FGG: variants seen among roughly 807,000 people sequenced by gnomAD.
The protein encoded by FGG is fibrinogen, gamma polypeptide.
Under a neutral mutation model 51.7 loss-of-function variants are expected in FGG, and 20 were observed. The observed-to-expected ratio is 0.39, with a 90% CI of 0.27 to 0.56. The LOEUF is 0.56. Ranked by LOEUF, FGG falls within the 20% of genes least tolerant of loss-of-function variation. The pLI is 0.64. For synonymous variants in FGG, 184 were observed against 184.7 expected, an observed-to-expected ratio of 1.00 and a Z score of 0.03; for missense variants, 460 against 534.2, an observed-to-expected ratio of 0.86 and a Z score of 1.37.
intron 6 of FGG, among the ~76,000 whole-genome samples, chr4:154,609,365 A>C (rs1240383749): frequency 6.6e-6 from 1 of 152,154 alleles, no homozygotes; most frequent in Non-Finnish European, 1.5e-5. Flanking sequence ...TACAATATAG[A>C]GTCAAGTCAC....
chr4:154,610,195 T>A lies in FGG; in HGVS notation c.404A>T (p.Tyr135Phe). 2 of 1,566,170 alleles carry A rather than the reference T, an allele frequency of 1.3e-6. No individual in the cohort carries two copies. Among genetic ancestry groups the A allele is most frequent in the Non-Finnish European group, 1.8e-6 (2 of 1,136,718 alleles). The change falls in exon 5 of 9, where the codon TAT (tyrosine) becomes TTT (phenylalanine). Residue 135 changes from tyrosine (Y) to phenylalanine (F), a missense_variant and splice_region_variant. Tyr to Phe is a conservative substitution (Grantham distance 22). Coordinates refer to ENST00000336098, the MANE Select transcript of FGG (RefSeq NM_021870.3). ...SILTHDSSIR[Y>F]LQEIYNSNNQ... ...ATTTGAATTATATATTTCCTGCAAA[T>A]ATCTACAAACAGAAACATAAGATAA...
At chr4:154,610,232 A>T in intron 4 of FGG, 35 bp from the exon 5 acceptor site, 1 of 1,493,666 alleles carries the variant, frequency 6.7e-7, no homozygotes, top group African/African-American at 1.4e-5. Flanking sequence ...AAAAATAAGA[A>T]GACAAAAATA....
chr4:154,609,069 C>A (rs1401737553), intron 6 of FGG, among the ~76,000 whole-genome samples: 2 of 152,134 alleles, frequency 1.3e-5, no homozygotes, highest in African/African-American at 4.8e-5. Flanking sequence ...ACAGTTATAA[C>A]AGTGGTGGGA....
Position 154,612,526 on chromosome 4 carries a change from A to G in FGG, c.78+6T>C. 1 of 1,614,018 alleles carries G rather than the reference A, an allele frequency of 6.2e-7. No individual in the cohort carries two copies. The highest frequency in any genetic ancestry group is 8.5e-7 in the Non-Finnish European group (1 of 1,179,878). Reference sequence around the variant, plus strand: ...TTAAACAACGTTTTGTGAAGAGCACACTTACTGCTACACATGTTGAAGAGA... The same window carrying G: ...TTAAACAACGTTTTGTGAAGAGCACGCTTACTGCTACACATGTTGAAGAGA... On this transcript the variant is annotated splice_donor_region_variant and intron_variant, in intron 1 of 8. Coordinates refer to ENST00000336098, the MANE Select transcript of FGG (RefSeq NM_021870.3).
At chr4:154,608,343 T>C in intron 7 of FGG, 123 bp downstream of exon 7, 1 of 939,336 alleles carries the variant, frequency 1.1e-6, no homozygotes, top group South Asian at 1.4e-5. Flanking sequence ...CTGGAGAAAA[T>C]GGTGGCTGGA....
intron 8 of FGG, among the ~76,000 whole-genome samples, chr4:154,605,990 C>T (rs1315154010): frequency 6.6e-6 from 1 of 152,078 alleles, no homozygotes; most frequent in African/African-American, 2.4e-5. Flanking sequence ...TGTCCTTCTC[C>T]AACGGAGAGT....
chr4:154,604,561 A>AAT lies in FGG; in HGVS notation c.*272_*273insAT, dbSNP rs1731061583. The AAT allele has an allele frequency of 8.7e-7, 1 of 1,151,470 alleles. No individual in the cohort carries two copies. Among genetic ancestry groups the AAT allele is most frequent in the Non-Finnish European group, 1.2e-6 (1 of 868,670 alleles). The allele number at this position is 1,151,470 out of a possible 1,614,324, so 71.3% of individuals were successfully genotyped here. ...AATTTACGAAGACAAAATAAATGACAAGTGGTCATAAAAATGCAAATAAAG... is the reference window on the plus strand; with the variant it reads ...AATTTACGAAGACAAAATAAATGACAATAGTGGTCATAAAAATGCAAATAAAG... On this transcript the variant is annotated 3_prime_UTR_variant, in exon 9 of 9. Transcript: ENST00000336098.
At chr4:154,611,141 A>G (rs1260834410) in intron 4 of FGG, 10 of 152,038 alleles carry the variant, frequency 6.6e-5, no homozygotes, top group Non-Finnish European at 1.5e-4. Flanking sequence ...ATTTATCTCA[A>G]TTTCTCAAGC....
Position 154,612,324 on chromosome 4 carries a change from G to A in FGG, c.123+67C>T, listed in dbSNP as rs1482213668. ...CAAGTGCCAGATGATATTTATGAGGGAATTATTTCTATTCCTCTGCCCCTC... is the reference window on the plus strand; with the variant it reads ...CAAGTGCCAGATGATATTTATGAGGAAATTATTTCTATTCCTCTGCCCCTC... On this transcript the variant is annotated intron_variant, in intron 2 of 8. Coordinates refer to ENST00000336098, the MANE Select transcript of FGG (RefSeq NM_021870.3). 2.5e-6 allele frequency: 4 copies of A among 1,586,560 alleles called. No individual in the cohort carries two copies. In the East Asian group the frequency reaches 8.9e-5, roughly 35 times the overall value.
At position 154,608,491 on chromosome 4, in the gene FGG, G is replaced by T. The variant is rs754623069; in HGVS notation, c.826C>A (p.Leu276Met). 39 of 1,613,452 alleles carry T rather than the reference G, an allele frequency of 2.4e-5. No individual in the cohort carries two copies. Among genetic ancestry groups the T allele is most frequent in the Non-Finnish European group, 2.2e-5 (26 of 1,179,760 alleles). The change falls in exon 7 of 9, where the codon CTG becomes ATG. Residue 276 changes from leucine to methionine, a missense_variant. Around this residue, in one of 3 missense-constraint regions of FGG, gnomAD observed 353 missense variants for 391.7 expected, o/e 0.90. Transcript: ENST00000336098. ...CTGGTTCTGCCATTCCAGTCTTCCA[G>T]TTCCACTCTTAATGCATATGGGATG... ...SAIPYALRVELEDWNGRTSTA... is the reference protein window; with the variant it reads ...SAIPYALRVEMEDWNGRTSTA...
Position 154,612,439 on chromosome 4 carries a change from A to G in FGG, c.79-4T>C. On this transcript the variant is annotated splice_polypyrimidine_tract_variant and splice_region_variant and intron_variant, in intron 1 of 8. Transcript: ENST00000336098. Reference sequence around the variant, plus strand: ...AGTTGTCTCTGGTAGCAACATACTAAAAGAGAAAAAATACAGAAATTTCAC... The same window carrying G: ...AGTTGTCTCTGGTAGCAACATACTAGAAGAGAAAAAATACAGAAATTTCAC... The G allele has an allele frequency of 6.2e-7, 1 of 1,613,976 alleles. No individual in the cohort carries two copies. The highest frequency in any genetic ancestry group is 8.5e-7 in the Non-Finnish European group (1 of 1,179,878).
rs765177744 is a variant in FGG at position 154,608,452 on chromosome 4, T to A, written c.851+14A>T. 11 of 1,611,806 alleles carry A rather than the reference T, an allele frequency of 6.8e-6. No individual in the cohort carries two copies. In the East Asian group the frequency reaches 2.5e-4, roughly 36 times the overall value. On this transcript the variant is annotated intron_variant, in intron 7 of 8. Coordinates refer to ENST00000336098, the MANE Select transcript of FGG (RefSeq NM_021870.3). ...CTTTACAATAAAAAGTTGGAAGTCA[T>A]TTCAAAACAGTACCTGGTTCTGCCA...
chr4:154,611,180 T>C (rs1040097318), intron 4 of FGG: 4 of 151,900 alleles, frequency 2.6e-5, no homozygotes, highest in African/African-American at 9.7e-5. Context: ...GAAAAAAAAA[T>C]TGGGGAAAAA....
intron 8 of FGG, among the ~76,000 whole-genome samples, chr4:154,606,317 C>T (rs1057108555): frequency 2.0e-5 from 3 of 152,148 alleles, no homozygotes; most frequent in South Asian, 2.1e-4. Context: ...CTGTTCACTG[C>T]GTGTATCTGA....
At chr4:154,608,423 C>A in intron 7 of FGG, 43 bp downstream of exon 7, 1 of 1,583,190 alleles carries the variant, frequency 6.3e-7, no homozygotes, top group Non-Finnish European at 8.6e-7. Context: ...ACATTCCAGG[C>A]AATCTTTACA....
intron 7 of FGG, 112 bp downstream of exon 7, chr4:154,608,354 T>C: frequency 9.6e-7 from 1 of 1,036,874 alleles, no homozygotes; most frequent in Non-Finnish European, 1.4e-6. Context: ...GGTGGCTGGA[T>C]GTGCTGTTTG....
intron 8 of FGG, among the ~76,000 whole-genome samples, chr4:154,605,807 C>T (rs142184833): frequency 1.5e-3 from 225 of 152,058 alleles, no homozygotes; most frequent in Non-Finnish European, 2.8e-3. Context: ...TTGGCTAGGA[C>T]ATCAGGAGGT....
Position 154,610,102 on chromosome 4 carries a change from T to C in FGG, c.497A>G (p.Lys166Arg). The change falls in exon 5 of 9, where the codon AAA becomes AGA. Residue 166 changes from lysine (K) to arginine (R), a missense_variant. This residue lies in a region of FGG where 353 missense variants were observed against 391.7 expected (regional missense o/e 0.90). Coordinates refer to ENST00000336098, the MANE Select transcript of FGG (RefSeq NM_021870.3). ...QLEAQCQEPCKDTVQIHDITG... is the reference protein window; with the variant it reads ...QLEAQCQEPCRDTVQIHDITG... ...GATATCATGGATTTGCACCGTGTCT[T>C]TGCAAGGTTCCTGGCACTGTGCTTC... The C allele has an allele frequency of 6.2e-7, 1 of 1,613,872 alleles. No individual in the cohort carries two copies.
Position 154,604,661 on chromosome 4 carries a change from C to A in FGG, c.*173G>T. 3 of 1,402,324 alleles carry A rather than the reference C, an allele frequency of 2.1e-6. No individual in the cohort carries two copies. The highest frequency in any genetic ancestry group is 2.8e-6 in the Non-Finnish European group (3 of 1,074,988). 86.9% of individuals were successfully genotyped at this position (1,402,324 alleles called of 1,614,324 possible). On this transcript the variant is annotated 3_prime_UTR_variant, in exon 9 of 9. Coordinates refer to ENST00000336098, the MANE Select transcript of FGG (RefSeq NM_021870.3). ...CCTCAAATAAACAATTTTTAAATAA[C>A]TCTGATATCAGTAATTTGGAAATAC...
Sources: gnomAD v4.1 joint callset for allele counts (sites outside exome capture counted in the v4.1 genomes callset) on GRCh38, gnomAD v4.1.1 for gene constraint, gnomAD v4.1.1 regional missense constraint, MANE v1.5 for transcripts, NCBI Gene and HGNC (gene_info 2026-07-23, HGNC 2026-07-21) for gene names.